The following DIP2B variants were observed in gnomAD, a reference collection of about 807,000 sequenced individuals.
DIP2B encodes DIP2 acetate--CoA ligase B (putative).
DIP2B carries 76 observed loss-of-function variants against 198.0 expected under a neutral mutation model. The observed-to-expected ratio is 0.38, with a 90% confidence interval of 0.32 to 0.46. DIP2B has a LOEUF of 0.46. Ranked by LOEUF, DIP2B falls within the 20% of genes least tolerant of loss-of-function variation. The pLI is 0.99. For synonymous variants in DIP2B, 701 were observed against 739.1 expected (o/e 0.95, Z 0.84); for missense variants, 1,559 against 1,978.4 (o/e 0.79, Z 4.02).
chr12:50,726,582 C>T (rs1455171145), intron 28 of DIP2B, among the ~76,000 whole-genome samples: 1 of 152,010 alleles, frequency 6.6e-6, no homozygotes, highest in African/African-American at 2.4e-5. Flanking sequence ...AACCCCAGTC[C>T]TCAAGTGGTC....
intron 19 of DIP2B, among the ~76,000 whole-genome samples, 199 bp from the exon 20 acceptor site, chr12:50,703,937 ATATT>A (rs961105108): frequency 6.7e-6 from 1 of 150,186 alleles, no homozygotes; most frequent in Admixed American, 6.7e-5. Context: ...TTTTATATAT[ATATT>A]TATATATGTA....
intron 4 of DIP2B, among the ~76,000 whole-genome samples, chr12:50,664,369 C>T (rs1321166277): frequency 6.6e-6 from 1 of 152,158 alleles, no homozygotes; most frequent in Non-Finnish European, 1.5e-5. Context: ...TAATTTCTAT[C>T]TTGTGAATTA....
At chr12:50,547,738 G>A (rs1958389966) in intron 1 of DIP2B, among the ~76,000 whole-genome samples, 1 of 152,176 alleles carries the variant, frequency 6.6e-6, no homozygotes, top group African/African-American at 2.4e-5. Context: ...AAAATAGGCT[G>A]TGACACTATG....
chr12:50,738,625 C>T (rs1473022229), intron 35 of DIP2B, among the ~76,000 whole-genome samples: 1 of 152,096 alleles, frequency 6.6e-6, no homozygotes, highest in African/African-American at 2.4e-5. Context: ...CTGGCATTAC[C>T]AGGCGCACAC....
At chr12:50,683,520 G>A (rs982316961) in intron 10 of DIP2B, among the ~76,000 whole-genome samples, 1 of 152,100 alleles carries the variant, frequency 6.6e-6, no homozygotes, top group African/African-American at 2.4e-5. Flanking sequence ...AGTGGCTCAC[G>A]CCTGTAATCA....
At chr12:50,708,787 CA>C (rs1224415351) in intron 22 of DIP2B, among the ~76,000 whole-genome samples, 2 of 152,222 alleles carry the variant, frequency 1.3e-5, no homozygotes, top group African/African-American at 4.8e-5. Context: ...TGACTTGCCT[CA>C]GCAAATTCTT....
At chr12:50,546,105 T>C (rs543592732) in intron 1 of DIP2B, among the ~76,000 whole-genome samples, 30 of 152,342 alleles carry the variant, frequency 2.0e-4, no homozygotes, top group African/African-American at 6.5e-4. Context: ...CTTATTCTAA[T>C]CCCTGCCAAC....
chr12:50,687,995 G>A (rs1223334680), intron 12 of DIP2B, among the ~76,000 whole-genome samples: 1 of 151,594 alleles, frequency 6.6e-6, no homozygotes, highest in African/African-American at 2.4e-5. Context: ...GGATGCTCCT[G>A]AGGTCAGGAG....
Position 50,693,623 on chromosome 12 carries a change from T to A in DIP2B, c.1719+610T>A, listed in dbSNP as rs149294749. Among the ~76,000 whole-genome samples, 31 of 152,292 alleles carry A rather than the reference T, an allele frequency of 2.0e-4. No individual in the cohort carries two copies. The East Asian group carries it at 6.0e-3, about 29-fold the overall frequency. ...CCCTTTTCACCCAGAACCCTCGAAA[T>A]CTTCAGTAAATTTACTTTCTAGCTC... On this transcript the variant is annotated intron_variant, in intron 14 of 37. Transcript: ENST00000301180.
At chr12:50,725,651 A>C (rs1166753596) in intron 28 of DIP2B, among the ~76,000 whole-genome samples, 1 of 152,234 alleles carries the variant, frequency 6.6e-6, no homozygotes. Context: ...GATAACATCT[A>C]ATCTTCATTG....
At chr12:50,683,656 G>C (rs996130632) in intron 10 of DIP2B, among the ~76,000 whole-genome samples, 5 of 152,004 alleles carry the variant, frequency 3.3e-5, no homozygotes, top group Non-Finnish European at 7.4e-5. Flanking sequence ...GGTGGCGGGC[G>C]CCTGTGGTCC....
At chr12:50,515,047 C>T (rs1289837862) in intron 1 of DIP2B, among the ~76,000 whole-genome samples, 1 of 152,098 alleles carries the variant, frequency 6.6e-6, no homozygotes, top group African/African-American at 2.4e-5. Flanking sequence ...CTCTCCCTCT[C>T]TCGAGCCTGA....
At chr12:50,565,490 G>A (rs1160595698) in intron 1 of DIP2B, among the ~76,000 whole-genome samples, 1 of 152,098 alleles carries the variant, frequency 6.6e-6, no homozygotes, top group Non-Finnish European at 1.5e-5. Context: ...TAGAGACGGG[G>A]TTTCACTGTG....
intron 1 of DIP2B, among the ~76,000 whole-genome samples, chr12:50,559,359 G>A (rs977936836): frequency 8.5e-5 from 12 of 140,524 alleles, no homozygotes; most frequent in African/African-American, 1.1e-4. Flanking sequence ...AAATAATGAC[G>A]TTTAAAAGAT....
intron 1 of DIP2B, among the ~76,000 whole-genome samples, chr12:50,540,253 G>A (rs1293388427): frequency 2.7e-5 from 4 of 150,708 alleles, no homozygotes; most frequent in South Asian, 2.1e-4. Flanking sequence ...GATTACAGGT[G>A]CCCACCACCA....
chr12:50,574,723 C>T (rs935129449), intron 1 of DIP2B, among the ~76,000 whole-genome samples: 2 of 152,230 alleles, frequency 1.3e-5, no homozygotes, highest in African/African-American at 4.8e-5. Context: ...CCATCTGGTA[C>T]TTCGTTCCCT....
chr12:50,667,004 G>T (rs564818372), intron 4 of DIP2B, among the ~76,000 whole-genome samples: 3 of 152,278 alleles, frequency 2.0e-5, no homozygotes, highest in South Asian at 4.2e-4. Context: ...AAGTAGCTGA[G>T]ACTATAGGCA....
At chr12:50,624,792 G>T (rs1259664123) in intron 1 of DIP2B, among the ~76,000 whole-genome samples, 2 of 152,098 alleles carry the variant, frequency 1.3e-5, no homozygotes, top group African/African-American at 4.8e-5. Context: ...TTTTAGTCTT[G>T]GTTCCTGACA....
In DIP2B at chr12:50,698,422, A is replaced by C; in HGVS notation, c.2143A>C (p.Asn715His). The change falls in exon 18 of 38, where the codon AAT becomes CAT. Residue 715 changes from asparagine (N) to histidine (H), a missense_variant. By Grantham distance (68) the Asn-to-His change is moderately conservative (BLOSUM62 1). Transcript: ENST00000301180. ...AATACGGGTCAATACTGAAGATAAA[A>C]ATTCAGCACTGACGGTCCAGGATGT... Reference protein sequence around the residue: ...GVIRVNTEDKNSALTVQDVGH... With the variant: ...GVIRVNTEDKHSALTVQDVGH... 6.2e-7 allele frequency: 1 copy of C among 1,613,974 alleles called. No homozygotes were observed. The highest frequency in any genetic ancestry group is 8.5e-7 in the Non-Finnish European group (1 of 1,179,916).
Sources: gnomAD v4.1 joint callset for allele counts (sites outside exome capture counted in the v4.1 genomes callset) on GRCh38, gnomAD v4.1.1 for gene constraint, MANE v1.5 for transcripts, NCBI Gene and HGNC (gene_info 2026-07-23, HGNC 2026-07-21) for gene names.